The following KCNIP4 variants were observed in gnomAD, a reference collection of about 807,000 sequenced individuals.
The protein encoded by KCNIP4 is potassium voltage-gated channel interacting protein 4.
In KCNIP4, 12 loss-of-function variants were observed where a neutral mutation model predicts 34.0. The ratio of observed to expected loss-of-function variants is 0.35; its 90% CI spans 0.23 to 0.57. The LOEUF is 0.57. Ranked by LOEUF, KCNIP4 falls within the 20% of genes least tolerant of loss-of-function variation. The pLI, the probability that KCNIP4 is intolerant of heterozygous loss-of-function variation, is 0.83. For synonymous variants in KCNIP4, 124 were observed against 102.2 expected (o/e 1.21, Z -1.29); for missense variants, 238 against 311.7 (o/e 0.76, Z 1.78).
intron 1 of KCNIP4, among the ~76,000 whole-genome samples, chr4:21,099,572 A>G (rs1747760597): frequency 1.3e-5 from 2 of 152,192 alleles, no homozygotes; most frequent in African/African-American, 4.8e-5. Flanking sequence ...ACGTTTACCT[A>G]TGTAACAAAC....
At chr4:21,767,152 G>T (rs1718472613) in intron 1 of KCNIP4, among the ~76,000 whole-genome samples, 1 of 152,118 alleles carries the variant, frequency 6.6e-6, no homozygotes, top group Non-Finnish European at 1.5e-5. Flanking sequence ...AAAGGAATTT[G>T]CTTTATGAAA....
intron 1 of KCNIP4, among the ~76,000 whole-genome samples, chr4:21,634,323 A>C (rs1193133889): frequency 1.3e-5 from 2 of 151,876 alleles, no homozygotes; most frequent in East Asian, 3.9e-4. Context: ...GGAAGTCAAA[A>C]ACTTTCTCTA....
chr4:21,037,184 C>T (rs28793921), intron 1 of KCNIP4, among the ~76,000 whole-genome samples: 61 of 151,962 alleles, frequency 4.0e-4, no homozygotes, highest in Non-Finnish European at 7.6e-4. Context: ...AATTAGCTAA[C>T]GTTAATTTAT....
chr4:21,580,730 A>G (rs976730413), intron 1 of KCNIP4, among the ~76,000 whole-genome samples: 1 of 152,232 alleles, frequency 6.6e-6, no homozygotes, highest in East Asian at 1.9e-4. Flanking sequence ...TAAATGCCCA[A>G]TCTTACTTCC....
chr4:21,563,207 G>A (rs377339574), intron 1 of KCNIP4, among the ~76,000 whole-genome samples: 5 of 152,040 alleles, frequency 3.3e-5, no homozygotes, highest in African/African-American at 1.2e-4. Context: ...GTATATATTG[G>A]CAGAAGGAAT....
chr4:21,013,396 T>C (rs1289527703), intron 1 of KCNIP4, among the ~76,000 whole-genome samples: 1 of 152,268 alleles, frequency 6.6e-6, no homozygotes, highest in African/African-American at 2.4e-5. Flanking sequence ...AGCTTGATGC[T>C]CCTGAAGTCA....
chr4:21,925,433 A>G (rs1560185185), intron 1 of KCNIP4, among the ~76,000 whole-genome samples: 1 of 152,138 alleles, frequency 6.6e-6, no homozygotes, highest in South Asian at 2.1e-4. Context: ...TTATGGCTGC[A>G]TAGTATTCCA....
intron 1 of KCNIP4, among the ~76,000 whole-genome samples, chr4:21,080,061 T>C (rs1745865890): frequency 1.3e-5 from 2 of 151,898 alleles, no homozygotes; most frequent in Non-Finnish European, 1.5e-5. Context: ...GGCAATTTGT[T>C]GCAGCAGTAA....
intron 1 of KCNIP4, among the ~76,000 whole-genome samples, chr4:20,899,443 T>G (rs954153368): frequency 7.2e-5 from 11 of 152,292 alleles, no homozygotes; most frequent in African/African-American, 2.6e-4. Flanking sequence ...TCATAGCAGC[T>G]GAGGGGTTAT....
rs555349810 is a variant in KCNIP4, at chr4:21,090,657, T to A, written c.62-207948A>T. On this transcript the variant is annotated intron_variant, in intron 1 of 8. Coordinates refer to ENST00000382152, the MANE Select transcript of KCNIP4 (RefSeq NM_025221.6). ...TTATTTTAAGTCACAGATTGTTTCA[T>A]AAACATAATTTTGTTTTTCCAATAA... Among the ~76,000 whole-genome samples, 9 of 152,364 alleles carry A rather than the reference T, an allele frequency of 5.9e-5. No individual in the cohort carries two copies. The East Asian group carries it at 1.7e-3, about 29-fold the overall frequency.
intron 1 of KCNIP4, among the ~76,000 whole-genome samples, chr4:21,354,467 A>T (rs1227099080): frequency 2.0e-5 from 3 of 151,466 alleles, no homozygotes; most frequent in African/African-American, 7.3e-5. Context: ...TACCAAGCAA[A>T]TAGAAAGCAA....
intron 1 of KCNIP4, among the ~76,000 whole-genome samples, chr4:21,768,107 C>T (rs1339384117): frequency 6.6e-6 from 1 of 151,994 alleles, no homozygotes; most frequent in African/African-American, 2.4e-5. Context: ...GATAAACCGC[C>T]AAGCAAGAGC....
chr4:20,969,556 T>TG (rs768106162), intron 1 of KCNIP4, among the ~76,000 whole-genome samples: 3,713 of 149,680 alleles, frequency 0.025, 152 homozygotes, highest in African/African-American at 0.082. Context: ...GCGTGTGTGT[T>TG]TGTGTGTGTG....
At chr4:20,802,856 C>T (rs371399361) in intron 3 of KCNIP4, among the ~76,000 whole-genome samples, 8 of 152,050 alleles carry the variant, frequency 5.3e-5, no homozygotes, top group South Asian at 2.1e-4. Flanking sequence ...GGGCGGACCA[C>T]GAGGTCAGGA....
chr4:21,259,884 A>G (rs1761336427), intron 1 of KCNIP4, among the ~76,000 whole-genome samples: 1 of 36,006 alleles, frequency 2.8e-5, no homozygotes, highest in Non-Finnish European at 7.3e-5. Context: ...AGCGCCCAAG[A>G]CTGTGTGTGT....
intron 1 of KCNIP4, among the ~76,000 whole-genome samples, chr4:21,102,440 T>TA (rs1419519729): frequency 6.6e-6 from 1 of 152,156 alleles, no homozygotes; most frequent in Non-Finnish European, 1.5e-5. Context: ...GGTTAGAAGA[T>TA]AATGAGGCCA....
At chr4:21,275,966 G>T (rs887326889) in intron 1 of KCNIP4, among the ~76,000 whole-genome samples, 1 of 151,752 alleles carries the variant, frequency 6.6e-6, no homozygotes, top group African/African-American at 2.4e-5. Context: ...TAAAAGAATT[G>T]CAAAAAAAAA....
intron 1 of KCNIP4, among the ~76,000 whole-genome samples, chr4:21,550,755 T>G (rs1469934541): frequency 6.6e-6 from 1 of 152,106 alleles, no homozygotes; most frequent in Non-Finnish European, 1.5e-5. Context: ...TTTCCTGTGT[T>G]TATTGATTAT....
chr4:21,853,881 G>T (rs1196866771), intron 1 of KCNIP4, among the ~76,000 whole-genome samples: 1 of 152,176 alleles, frequency 6.6e-6, no homozygotes, highest in Non-Finnish European at 1.5e-5. Context: ...TAAAGAGTTT[G>T]GGGTCATGTG....
Sources: allele counts gnomAD v4.1 joint callset (sites outside exome capture counted in the v4.1 genomes callset), GRCh38; gene constraint gnomAD v4.1.1; transcripts MANE v1.5; gene names NCBI Gene and HGNC (gene_info 2026-07-23, HGNC 2026-07-21).